The following ANKMY1 variants were observed in gnomAD, a reference collection of about 807,000 sequenced individuals.
The protein encoded by ANKMY1 is ankyrin repeat and MYND domain containing 1, also known as ankyrin repeat and MYND domain-containing protein 1.
ANKMY1 carries 98 observed loss-of-function variants against 102.0 expected under a neutral mutation model. The observed-to-expected ratio is 0.96, with a 90% CI of 0.82 to 1.14. The LOEUF (loss-of-function observed/expected upper bound fraction) is 1.14, where lower values mean the gene tolerates loss of function less well. Ranked by LOEUF, ANKMY1 falls within the 50% of genes most tolerant of loss-of-function variation. The probability of loss-of-function intolerance (pLI) is 0.00; values close to 1 mark genes in which losing one functional copy is unlikely to be tolerated. For missense variants in ANKMY1, 1,330 were observed against 1,347.6 expected, an observed-to-expected ratio of 0.99 and a Z score of 0.20; for synonymous variants, 582 against 559.9, an observed-to-expected ratio of 1.04 and a Z score of -0.56.
rs1463920603 is a variant in ANKMY1 at position 240,554,901 on chromosome 2, G to A, written c.301C>T (p.Leu101Phe). The A allele has an allele frequency of 3.1e-6, 5 of 1,614,006 alleles. No individual in the cohort carries two copies. Among genetic ancestry groups the A allele is most frequent in the Non-Finnish European group, 4.2e-6 (5 of 1,180,006 alleles). Residue 101 changes from leucine (L) to phenylalanine (F), a missense_variant, in exon 3 of 18, where the codon CTT becomes TTT. By Grantham distance (22) the Leu-to-Phe change is conservative. Coordinates refer to ENST00000401804, the MANE Select transcript of ANKMY1 (RefSeq NM_001282771.3). ...YQGEFGLNMKLGYGKFSWPTG... is the reference protein window; with the variant it reads ...YQGEFGLNMKFGYGKFSWPTG... ...GGCCAAGAGAATTTGCCATATCCAA[G>A]CTTCATGTTCAACCCAAACTCCCCC...
At chr2:240,523,311 G>C (rs1055124006) in intron 8 of ANKMY1, 2 of 153,966 alleles carry the variant, frequency 1.3e-5, no homozygotes, top group South Asian at 2.1e-4. Flanking sequence ...GCACGCTGGG[G>C]GCTGGTGGTC....
rs760502825 is a variant in ANKMY1, at chr2:240,509,448, CT to C, written c.2293del (p.Arg765GlyfsTer3). 5 of 1,611,582 alleles carry C rather than the reference CT, an allele frequency of 3.1e-6. No individual in the cohort carries two copies. In the South Asian group the frequency reaches 5.5e-5, roughly 18 times the overall value. ...GGATAGAAGGAGCCGGACTATGTCCCTGGCACACTGGGTGGGGAGAAATGAC... is the reference window on the plus strand; with the variant it reads ...GGATAGAAGGAGCCGGACTATGTCCCGGCACACTGGGTGGGGAGAAATGAC... ...CEREDDNKCA[R>X]DIVRLLLSHG... is the part of the protein sequence containing the mutation. On this transcript the variant is annotated frameshift_variant, in exon 12 of 18. Coordinates refer to ENST00000401804, the MANE Select transcript of ANKMY1 (RefSeq NM_001282771.3). LOFTEE classifies it high-confidence loss of function.
intron 4 of ANKMY1, among the ~76,000 whole-genome samples, chr2:240,538,781 G>A (rs2152498232): frequency 6.6e-6 from 1 of 152,328 alleles, no homozygotes; most frequent in South Asian, 2.1e-4. Flanking sequence ...CTAAAGGATT[G>A]TAAATGCACC....
Position 240,512,877 on chromosome 2 carries a change from C to T in ANKMY1, c.2070G>A (p.Val690=), listed in dbSNP as rs576890576. Residue 690 remains valine (V), a synonymous_variant, in exon 10 of 18, where the codon GTG becomes GTA. Transcript: ENST00000401804. ...ALPGEEGVQI[V]ELLLHAITDV... ...CGGTGATGGCATGCAACAGCAGCTC[C>T]ACAATCTGTACCCCCTCCTCCCCAG... 9.9e-6 allele frequency: 16 copies of T among 1,614,074 alleles called. No individual in the cohort carries two copies. In the Admixed American group the frequency reaches 2.7e-4, roughly 27 times the overall value.
intron 2 of ANKMY1, 125 bp downstream of exon 2, chr2:240,557,065 C>T: frequency 8.8e-7 from 1 of 1,134,988 alleles, no homozygotes; most frequent in East Asian, 2.9e-5. Flanking sequence ...TCAGATTTCT[C>T]CAGAAACTAG....
Position 240,547,708 on chromosome 2 carries a change from A to T in ANKMY1, c.480+5206T>A, listed in dbSNP as rs1340716303. Among the ~76,000 whole-genome samples, 15 of 149,554 alleles carry T rather than the reference A, an allele frequency of 1.0e-4. No individual in the cohort carries two copies. The South Asian group carries it at 2.8e-3, about 28-fold the overall frequency. On this transcript the variant is annotated intron_variant, in intron 4 of 17. Transcript: ENST00000401804. ...CACCACCGATCCCACAGAAATACAA[A>T]CTACCATCAGAGAATACTACAAACA... is the stretch of plus-strand genomic sequence containing the variant.
intron 4 of ANKMY1, among the ~76,000 whole-genome samples, chr2:240,533,807 TGAA>T (rs1247203035): frequency 1.5e-4 from 22 of 148,926 alleles, no homozygotes; most frequent in African/African-American, 5.5e-4. Flanking sequence ...AAATGTAAAA[TGAA>T]GAAATATCTA....
intron 15 of ANKMY1, among the ~76,000 whole-genome samples, chr2:240,498,881 T>C (rs1268595186): frequency 1.3e-5 from 2 of 152,154 alleles, no homozygotes; most frequent in African/African-American, 2.4e-5. Flanking sequence ...TGCCATGTGA[T>C]GGACAGGCTC....
intron 4 of ANKMY1, among the ~76,000 whole-genome samples, chr2:240,543,642 A>G (rs1456314084): frequency 6.6e-6 from 1 of 152,120 alleles, no homozygotes; most frequent in Non-Finnish European, 1.5e-5. Flanking sequence ...ATTTAGATGA[A>G]TACCTAATAT....
chr2:240,554,982 A>ATGAGGGACCTGTAG lies in ANKMY1; in HGVS notation c.219_220insCTACAGGTCCCTCA (p.Ser74LeufsTer29). 1 of 1,614,008 alleles carries ATGAGGGACCTGTAG rather than the reference A, an allele frequency of 6.2e-7. No homozygotes were observed. The highest frequency in any genetic ancestry group is 8.5e-7 in the Non-Finnish European group (1 of 1,179,982). On this transcript the variant is annotated frameshift_variant, in exon 3 of 18. Coordinates refer to ENST00000401804, the MANE Select transcript of ANKMY1 (RefSeq NM_001282771.3). LOFTEE classifies it high-confidence loss of function. ...ACACCCTGGACGAGCTGGATGTAGGACTCCCTCAGGTCCTGCGCCCTCAGC... is the reference window on the plus strand; with the variant it reads ...ACACCCTGGACGAGCTGGATGTAGGATGAGGGACCTGTAGCTCCCTCAGGTCCTGCGCCCTCAGC...
At chr2:240,554,825 G>A (rs759410238) in intron 3 of ANKMY1, 41 bp downstream of exon 3, 1 of 1,607,068 alleles carries the variant, frequency 6.2e-7, no homozygotes, top group Non-Finnish European at 8.5e-7. Context: ...AGCCACCAGA[G>A]GCCCTAGGGG....
rs2089494041 is a variant in ANKMY1, at chr2:240,543,351, T to C, written c.480+9563A>G. On this transcript the variant is annotated intron_variant, in intron 4 of 17. Coordinates refer to ENST00000401804, the MANE Select transcript of ANKMY1 (RefSeq NM_001282771.3). ...CTGGGTGATAGAGCGAGACTCTTTC[T>C]CAAAAAAAAAAAAAAATTATAGATA... 2.1e-5 allele frequency among the ~76,000 whole-genome samples: 3 copies of C among 145,168 alleles called. No individual in the cohort carries two copies. The South Asian group carries it at 6.5e-4, about 31-fold the overall frequency.
intron 5 of ANKMY1, chr2:240,526,652 C>G: frequency 7.0e-7 from 1 of 1,433,908 alleles, no homozygotes; most frequent in East Asian, 2.5e-5. Context: ...AGACATGCCA[C>G]CTGGAGGTCA....
intron 4 of ANKMY1, among the ~76,000 whole-genome samples, chr2:240,542,626 G>C (rs1186312117): frequency 6.6e-6 from 1 of 151,992 alleles, no homozygotes; most frequent in Admixed American, 6.6e-5. Flanking sequence ...TCGTAGACTG[G>C]TGAGTTTGTA....
At chr2:240,501,813 C>T (rs2078231822) in intron 13 of ANKMY1, among the ~76,000 whole-genome samples, 1 of 152,192 alleles carries the variant, frequency 6.6e-6, no homozygotes, top group Non-Finnish European at 1.5e-5. Flanking sequence ...GGAGTTTATA[C>T]AGATTCCTCA....
intron 4 of ANKMY1, among the ~76,000 whole-genome samples, chr2:240,551,063 T>C (rs2091430402): frequency 6.6e-6 from 1 of 152,174 alleles, no homozygotes; most frequent in Non-Finnish European, 1.5e-5. Context: ...GGAAGGCTGA[T>C]GTGTTCATAA....
chr2:240,484,159 C>T (rs1331663935), intron 15 of ANKMY1, among the ~76,000 whole-genome samples: 1 of 152,152 alleles, frequency 6.6e-6, no homozygotes, highest in Admixed American at 6.5e-5. Flanking sequence ...GTACATGTGT[C>T]TTTATAGTAG....
Position 240,512,864 on chromosome 2 carries a change from G to A in ANKMY1, c.2083C>T (p.His695Tyr), listed in dbSNP as rs768038939. ...TTGGCGTCCACATCGGTGATGGCATGCAACAGCAGCTCCACAATCTGTACC... is the reference window on the plus strand; with the variant it reads ...TTGGCGTCCACATCGGTGATGGCATACAACAGCAGCTCCACAATCTGTACC... ...EGVQIVELLLHAITDVDAKAS... is the reference protein window; with the variant it reads ...EGVQIVELLLYAITDVDAKAS... Residue 695 changes from histidine (H) to tyrosine (Y), a missense_variant, in exon 10 of 18, where the codon CAT (histidine) becomes TAT (tyrosine). Transcript: ENST00000401804. 6.2e-7 allele frequency: 1 copy of A among 1,614,094 alleles called. No homozygotes were observed. Among genetic ancestry groups the A allele is most frequent in the East Asian group, 2.2e-5 (1 of 44,884 alleles).
intron 9 of ANKMY1, among the ~76,000 whole-genome samples, chr2:240,519,001 C>T (rs1195534043): frequency 6.6e-6 from 1 of 152,240 alleles, no homozygotes; most frequent in Non-Finnish European, 1.5e-5. Flanking sequence ...CATCAGCTCT[C>T]ACCCCATCAA....
Sources: gnomAD v4.1 joint callset for allele counts (sites outside exome capture counted in the v4.1 genomes callset) on GRCh38, gnomAD v4.1.1 for gene constraint, MANE v1.5 for transcripts, NCBI Gene and HGNC (gene_info 2026-07-23, HGNC 2026-07-21) for gene names.